TMEM232: variants seen among roughly 807,000 people sequenced by gnomAD.
TMEM232 encodes transmembrane protein 232.
TMEM232 carries 80 observed loss-of-function variants against 78.8 expected under a neutral mutation model. The observed-to-expected ratio is 1.01, with a 90% confidence interval of 0.85 to 1.22. The LOEUF (loss-of-function observed/expected upper bound fraction) is 1.22. TMEM232 is among the 50% of genes most tolerant of loss of function. The probability of loss-of-function intolerance (pLI) is 0.00; values close to 1 mark genes in which losing one functional copy is unlikely to be tolerated. For missense variants in TMEM232, 881 were observed against 742.2 expected (o/e 1.19, Z -2.17); for synonymous variants, 297 against 254.3 (o/e 1.17, Z -1.60).
intron 2 of TMEM232, among the ~76,000 whole-genome samples, chr5:110,646,471 C>A (rs1190501173): frequency 2.6e-5 from 4 of 151,660 alleles, no homozygotes; most frequent in Admixed American, 2.0e-4. Flanking sequence ...ATACACAATG[C>A]AGAAAGGACA....
chr5:110,481,389 A>G (rs1763842798), intron 12 of TMEM232, among the ~76,000 whole-genome samples: 1 of 152,174 alleles, frequency 6.6e-6, no homozygotes, highest in African/African-American at 2.4e-5. Flanking sequence ...TTCCTTTGGA[A>G]AAAACTTTGT....
intron 13 of TMEM232, among the ~76,000 whole-genome samples, chr5:110,422,311 G>A (rs986311386): frequency 1.4e-4 from 21 of 151,536 alleles, no homozygotes; most frequent in Admixed American, 1.3e-3. Context: ...GTCAGGAGAT[G>A]GAGACCATCC....
At chr5:110,465,242 G>T (rs1490393794) in intron 12 of TMEM232, among the ~76,000 whole-genome samples, 1 of 152,216 alleles carries the variant, frequency 6.6e-6, no homozygotes, top group African/African-American at 2.4e-5. Flanking sequence ...ATATCTGTGA[G>T]GTATCCTCCA....
intron 10 of TMEM232, among the ~76,000 whole-genome samples, chr5:110,575,268 C>G (rs2149707088): frequency 6.6e-6 from 1 of 151,996 alleles, no homozygotes; most frequent in South Asian, 2.1e-4. Flanking sequence ...AAATATTCAA[C>G]AGAATAAACT....
intron 2 of TMEM232, among the ~76,000 whole-genome samples, chr5:110,664,809 G>A (rs111229726): frequency 1.1e-4 from 17 of 152,270 alleles, no homozygotes; most frequent in African/African-American, 4.1e-4. Context: ...CATAATGAGA[G>A]CTCCACCAAC....
intron 11 of TMEM232, among the ~76,000 whole-genome samples, chr5:110,534,073 G>A (rs1472480776): frequency 6.6e-6 from 1 of 152,044 alleles, no homozygotes. Flanking sequence ...TACTCAACAT[G>A]CCCCAAGTCA....
intron 1 of TMEM232, among the ~76,000 whole-genome samples, chr5:110,700,669 G>C (rs748613093): frequency 6.6e-6 from 1 of 151,906 alleles, no homozygotes; most frequent in Non-Finnish European, 1.5e-5. Context: ...AGAGGTATGG[G>C]AGGCTCTGAG....
At chr5:110,656,606 G>T (rs1789096605) in intron 2 of TMEM232, among the ~76,000 whole-genome samples, 1 of 152,160 alleles carries the variant, frequency 6.6e-6, no homozygotes, top group African/African-American at 2.4e-5. Context: ...TTGGGAGGCT[G>T]AGGCGGGAGG....
intron 12 of TMEM232, among the ~76,000 whole-genome samples, chr5:110,463,612 C>A (rs2149359308): frequency 6.6e-6 from 1 of 152,248 alleles, no homozygotes; most frequent in Middle Eastern, 3.4e-3. Flanking sequence ...TTTTCTCATT[C>A]AAAACCATTC....
At chr5:110,432,615 A>C (rs1029599222) in intron 12 of TMEM232, among the ~76,000 whole-genome samples, 1 of 151,688 alleles carries the variant, frequency 6.6e-6, no homozygotes, top group Non-Finnish European at 1.5e-5. Context: ...GAAAGGAACA[A>C]AGCCTAATAT....
chr5:110,676,457 C>T (rs1039584066), intron 1 of TMEM232, among the ~76,000 whole-genome samples: 3 of 150,726 alleles, frequency 2.0e-5, no homozygotes, highest in Admixed American at 6.6e-5. Flanking sequence ...GTGCACTGGC[C>T]GCGATCTTGG....
intron 1 of TMEM232, among the ~76,000 whole-genome samples, chr5:110,687,763 T>G (rs112263533): frequency 1.3e-5 from 2 of 152,096 alleles, no homozygotes; most frequent in African/African-American, 2.4e-5. Flanking sequence ...TATTCACATA[T>G]ACATACGTAC....
intron 1 of TMEM232, among the ~76,000 whole-genome samples, chr5:110,714,094 C>A (rs149252560): frequency 3.9e-5 from 6 of 152,278 alleles, no homozygotes; most frequent in African/African-American, 1.4e-4. Context: ...CTCACCCTGC[C>A]ATGGACTCTT....
At chr5:110,711,021 G>C (rs1289545244) in intron 1 of TMEM232, among the ~76,000 whole-genome samples, 1 of 152,088 alleles carries the variant, frequency 6.6e-6, no homozygotes, top group Admixed American at 6.6e-5. Flanking sequence ...AGAATCTAAA[G>C]ACTTCACCAA....
intron 10 of TMEM232, among the ~76,000 whole-genome samples, chr5:110,571,696 T>G (rs961101217): frequency 1.9e-4 from 21 of 112,234 alleles, no homozygotes; most frequent in East Asian, 6.9e-4. Flanking sequence ...TGTTTTTTTG[T>G]TTTTTTTTTA....
At chr5:110,542,384 T>C (rs966998531) in intron 11 of TMEM232, among the ~76,000 whole-genome samples, 1 of 152,168 alleles carries the variant, frequency 6.6e-6, no homozygotes, top group African/African-American at 2.4e-5. Flanking sequence ...AAGTTCCCAT[T>C]AAATCTTTTA....
chr5:110,596,416 G>A (rs1780177612), intron 10 of TMEM232, among the ~76,000 whole-genome samples: 1 of 152,170 alleles, frequency 6.6e-6, no homozygotes, highest in African/African-American at 2.4e-5. Flanking sequence ...TGGATTCACA[G>A]CCGAATTCTA....
rs868432242 is a variant in TMEM232, at chr5:110,424,930, C to A, written c.1704-14G>T. On this transcript the variant is annotated splice_polypyrimidine_tract_variant and intron_variant, in intron 12 of 13. Coordinates refer to ENST00000455884, the MANE Select transcript of TMEM232 (RefSeq NM_001039763.4). Reference sequence around the variant, plus strand: ...GAAGGATGTTCCCTTCAAAAGAGCACAAGAACAAATCCAACATTAGGTATA... The same window carrying A: ...GAAGGATGTTCCCTTCAAAAGAGCAAAAGAACAAATCCAACATTAGGTATA... The A allele has an allele frequency of 1.6e-5, 25 of 1,533,898 alleles. 1 individual carries two copies. In the African/African-American group the frequency reaches 2.9e-4, roughly 18 times the overall value.
intron 8 of TMEM232, among the ~76,000 whole-genome samples, chr5:110,616,398 T>C (rs78426171): frequency 0.02 from 2,993 of 152,086 alleles, 90 homozygotes; most frequent in African/African-American, 0.069. Context: ...TCTCACACTG[T>C]ATAGAAAAGT....
Sources: gnomAD v4.1 joint callset for allele counts (sites outside exome capture counted in the v4.1 genomes callset) on GRCh38, gnomAD v4.1.1 for gene constraint, MANE v1.5 for transcripts, NCBI Gene and HGNC (gene_info 2026-07-23, HGNC 2026-07-21) for gene names.